Variants in TESC observed in about 807,000 individuals in gnomAD.
TESC encodes the protein calcineurin B homologous protein 3.
Under a neutral mutation model 31.0 loss-of-function variants are expected in TESC, and 19 were observed. The observed-to-expected ratio is 0.61, with a 90% CI of 0.43 to 0.90. The LOEUF is 0.90. Among genes scored for constraint, TESC ranks in the 40% least tolerant of loss-of-function variants. The pLI, the probability that TESC is intolerant of heterozygous loss-of-function variation, is 0.00. For synonymous variants in TESC, 109 were observed against 114.8 expected (o/e 0.95, Z 0.32); for missense variants, 248 against 303.8 (o/e 0.82, Z 1.36).
In TESC at chr12:117,075,256, C is replaced by T. The variant is rs760495426; in HGVS notation, c.128+15G>A. The T allele has an allele frequency of 7.4e-6, 12 of 1,612,206 alleles. No individual in the cohort carries two copies. The highest frequency in any genetic ancestry group is 2.2e-5 in the East Asian group (1 of 44,852). ...CATGGCCCCACCCAGCACCCAAACC[C>T]GCTGCCAATCTTACCGAATGGTAGG... is the stretch of plus-strand genomic sequence containing the variant. On this transcript the variant is annotated intron_variant, in intron 2 of 7. Transcript: ENST00000335209.
At chr12:117,055,667 T>C (rs990688009) in intron 3 of TESC, among the ~76,000 whole-genome samples, 55 of 152,168 alleles carry the variant, frequency 3.6e-4, no homozygotes, top group Non-Finnish European at 2.1e-4. Flanking sequence ...CAGGGCTGCC[T>C]CTGGAGGAAG....
At chr12:117,083,260 G>A (rs998618650) in intron 1 of TESC, among the ~76,000 whole-genome samples, 2 of 152,166 alleles carry the variant, frequency 1.3e-5, no homozygotes, top group Non-Finnish European at 2.9e-5. Flanking sequence ...TATATTTTTA[G>A]TAGAGATGGG....
chr12:117,076,424 T>C (rs547500435), intron 1 of TESC, among the ~76,000 whole-genome samples: 1 of 152,208 alleles, frequency 6.6e-6, no homozygotes, highest in Non-Finnish European at 1.5e-5. Flanking sequence ...AACAACTCAA[T>C]AAGTGAGTGG....
chr12:117,046,633 T>C lies in TESC; in HGVS notation c.445A>G (p.Ile149Val), dbSNP rs1200661508. ...ATGGAGCGAGCGGACTCCTTCTCGA[T>C]GTGAGGGTTTCCCGACAGCAGCTCC... ...VEELLSGNPH[I>V]EKESARSIAD... Residue 149 changes from isoleucine (I) to valine (V), a missense_variant, in exon 6 of 8, where the codon ATC becomes GTC. Ile to Val is a conservative substitution (Grantham distance 29, BLOSUM62 3). Transcript: ENST00000335209. 6.4e-7 allele frequency: 1 copy of C among 1,551,804 alleles called. No homozygotes were observed. The highest frequency in any genetic ancestry group is 8.7e-7 in the Non-Finnish European group (1 of 1,147,106).
rs757473384 is a variant in TESC, at chr12:117,049,015, G to T, written c.349+4C>A. On this transcript the variant is annotated splice_donor_region_variant and intron_variant, in intron 4 of 7. Coordinates refer to ENST00000335209, the MANE Select transcript of TESC (RefSeq NM_017899.4). ...TGTGAGCAAGGGGACTCAGTGGCAC[G>T]CACATCTCAGCTTCTCCTTCCGGGA... The T allele has an allele frequency of 6.2e-7, 1 of 1,614,086 alleles. No homozygotes were observed. Among genetic ancestry groups the T allele is most frequent in the African/African-American group, 1.3e-5 (1 of 75,060 alleles).
chr12:117,063,347 A>G (rs950160947), intron 2 of TESC, among the ~76,000 whole-genome samples: 25 of 152,192 alleles, frequency 1.6e-4, no homozygotes, highest in African/African-American at 5.8e-4. Flanking sequence ...CCCAGCCCCC[A>G]GCCCTCAGCC....
chr12:117,060,860 A>T (rs1420846367), intron 2 of TESC, among the ~76,000 whole-genome samples: 2 of 152,188 alleles, frequency 1.3e-5, no homozygotes, highest in African/African-American at 4.8e-5. Context: ...CTCCAGAGGG[A>T]ATCTGGGAGA....
intron 1 of TESC, among the ~76,000 whole-genome samples, chr12:117,077,764 C>T (rs12423796): frequency 0.53 from 80,482 of 152,010 alleles, 22,740 homozygotes; most frequent in African/African-American, 0.74. Context: ...AATATTGTAA[C>T]TGACTTTTGG....
intron 1 of TESC, among the ~76,000 whole-genome samples, chr12:117,082,510 A>G (rs1955162962): frequency 6.6e-6 from 1 of 152,142 alleles, no homozygotes; most frequent in Non-Finnish European, 1.5e-5. Context: ...CTAAAAAAAA[A>G]AAAAAAGAAA....
intron 2 of TESC, among the ~76,000 whole-genome samples, chr12:117,074,590 G>C (rs1300723733): frequency 6.6e-6 from 1 of 152,130 alleles, no homozygotes; most frequent in East Asian, 1.9e-4. Context: ...CCTGATGGCA[G>C]CCTGAGCCCC....
chr12:117,053,987 C>T (rs1954685693), intron 3 of TESC: 1 of 152,262 alleles, frequency 6.6e-6, no homozygotes. Flanking sequence ...GGATTCCACT[C>T]TGTCTTTGCC....
intron 2 of TESC, among the ~76,000 whole-genome samples, chr12:117,071,752 C>G (rs1266366805): frequency 6.6e-6 from 1 of 152,150 alleles, no homozygotes; most frequent in Non-Finnish European, 1.5e-5. Context: ...CATTTCTAAG[C>G]TGAGCCTGGG....
chr12:117,060,243 A>C (rs1176716016), intron 2 of TESC, among the ~76,000 whole-genome samples: 2 of 152,212 alleles, frequency 1.3e-5, no homozygotes, highest in Non-Finnish European at 2.9e-5. Flanking sequence ...CCATTTATGT[A>C]AAGAACAGAA....
At chr12:117,064,141 G>A (rs1269791968) in intron 2 of TESC, among the ~76,000 whole-genome samples, 3 of 151,880 alleles carry the variant, frequency 2.0e-5, no homozygotes, top group Non-Finnish European at 2.9e-5. Context: ...AGTCCTGAAC[G>A]CCTGGGCTCA....
intron 7 of TESC, among the ~76,000 whole-genome samples, chr12:117,040,717 C>T (rs981941622): frequency 1.1e-4 from 16 of 152,188 alleles, no homozygotes; most frequent in African/African-American, 2.4e-4. Context: ...CGGCAGTCCA[C>T]GGGGCCTGCC....
intron 2 of TESC, among the ~76,000 whole-genome samples, chr12:117,069,110 T>TC (rs397733040): frequency 3.3e-5 from 5 of 151,898 alleles, no homozygotes; most frequent in African/African-American, 1.2e-4. Context: ...TTTTTTTTTT[T>TC]CTTTTCTATT....
At chr12:117,075,136 A>G (rs1955030142) in intron 2 of TESC, 135 bp downstream of exon 2, 1 of 885,156 alleles carries the variant, frequency 1.1e-6, no homozygotes, top group African/African-American at 1.7e-5. Context: ...ACGGAGCGAG[A>G]CTCCATCTCC....
intron 6 of TESC, among the ~76,000 whole-genome samples, chr12:117,045,284 G>A (rs1288086824): frequency 6.6e-6 from 1 of 152,230 alleles, no homozygotes; most frequent in African/African-American, 2.4e-5. Flanking sequence ...TCCGCCCCGA[G>A]ATGCCTCTGC....
intron 2 of TESC, among the ~76,000 whole-genome samples, chr12:117,069,031 G>C (rs931088328): frequency 6.6e-6 from 1 of 152,114 alleles, no homozygotes; most frequent in African/African-American, 2.4e-5. Context: ...AAATTTCTGA[G>C]TGTACAGGGG....
Sources: gnomAD v4.1 joint callset for allele counts (sites outside exome capture counted in the v4.1 genomes callset) on GRCh38, gnomAD v4.1.1 for gene constraint, MANE v1.5 for transcripts, NCBI Gene and HGNC (gene_info 2026-07-23, HGNC 2026-07-21) for gene names.